Variants in C5orf24 observed in about 807,000 individuals in gnomAD.
The protein encoded by C5orf24 is UPF0461 protein C5orf24.
Under a neutral mutation model 9.8 loss-of-function variants are expected in C5orf24, and 4 were observed. The observed-to-expected ratio is 0.41, with a 90% CI of 0.20 to 0.93. The LOEUF is 0.93. Among genes scored for constraint, C5orf24 ranks in the 40% least tolerant of loss-of-function variants. C5orf24 has a pLI of 0.33. For synonymous variants in C5orf24, 73 were observed against 81.3 expected, an observed-to-expected ratio of 0.90 and a Z score of 0.55; for missense variants, 170 against 236.9, an observed-to-expected ratio of 0.72 and a Z score of 1.85.
the C5orf24 span, among the ~76,000 whole-genome samples, chr5:134,833,879 G>C: frequency 2.0e-5 from 3 of 151,918 alleles, no homozygotes; most frequent in Non-Finnish European, 4.4e-5. Context: ...TATTTGTCTT[G>C]AACTTGTTCT....
chr5:134,835,530 C>G, the C5orf24 span, among the ~76,000 whole-genome samples: 5 of 152,174 alleles, frequency 3.3e-5, no homozygotes, highest in Middle Eastern at 3.4e-3. Context: ...GCCTATAATC[C>G]CAGCTACTTG....
intron 1 of C5orf24, among the ~76,000 whole-genome samples, chr5:134,852,125 A>G (rs1268951727): frequency 6.6e-6 from 1 of 152,204 alleles, no homozygotes; most frequent in Admixed American, 6.5e-5. Context: ...TATTTTTAGT[A>G]GAGACGGTGT....
At chr5:134,848,544 CCAGCTACT>C (rs1459739484) in intron 1 of C5orf24, among the ~76,000 whole-genome samples, 1 of 151,270 alleles carries the variant, frequency 6.6e-6, no homozygotes, top group Non-Finnish European at 1.5e-5. Context: ...GCCTGTAATC[CCAGCTACT>C]CAGGAGGCTG....
chr5:134,848,695 C>T (rs527424435), intron 1 of C5orf24, among the ~76,000 whole-genome samples: 110 of 147,684 alleles, frequency 7.4e-4, no homozygotes, highest in African/African-American at 2.5e-3. Flanking sequence ...GGCGTGGTGC[C>T]TCACGCCTGT....
At position 134,857,164 on chromosome 5, in the gene C5orf24, C is replaced by A; in HGVS notation, c.*1697C>A. On this transcript the variant is annotated 3_prime_UTR_variant, in exon 2 of 2. Transcript: ENST00000394976. Reference sequence around the variant, plus strand: ...ATAAACTTCAGACTTGAAAAAATTCCACTTAACTTTAAAGTTACAATGTTT... The same window carrying A: ...ATAAACTTCAGACTTGAAAAAATTCAACTTAACTTTAAAGTTACAATGTTT... 1.6e-6 allele frequency: 2 copies of A among 1,285,248 alleles called. No homozygotes were observed. The highest frequency in any genetic ancestry group is 1.0e-6 in the Non-Finnish European group (1 of 1,003,834). The allele number at this position is 1,285,248 out of a possible 1,614,324, so 79.6% of individuals were successfully genotyped here. A position where few individuals can be genotyped will look rare whatever the true frequency, so the allele number is the denominator to read the frequency against.
At chr5:134,846,756 G>A (rs1756007294) in intron 1 of C5orf24, 1 of 152,212 alleles carries the variant, frequency 6.6e-6, no homozygotes, top group African/African-American at 2.4e-5. Flanking sequence ...GCAGGAAGAA[G>A]ACAAAGGAGG....
the C5orf24 span, among the ~76,000 whole-genome samples, chr5:134,837,078 AT>A: frequency 6.6e-6 from 1 of 151,884 alleles, no homozygotes; most frequent in East Asian, 1.9e-4. Flanking sequence ...GGTTCAAGTG[AT>A]TTACCTGTCT....
At chr5:134,851,575 G>C (rs1756161418) in intron 1 of C5orf24, among the ~76,000 whole-genome samples, 2 of 152,020 alleles carry the variant, frequency 1.3e-5, no homozygotes, top group African/African-American at 4.8e-5. Flanking sequence ...ACAATGCAGT[G>C]GACAAACCAC....
rs1756265704 is a variant in C5orf24 at position 134,854,891 on chromosome 5, T to G, written c.-3-7T>G. Reference sequence around the variant, plus strand: ...ATTTATATATATTTGTCTTTTATTTTTGGTAGAAAATGATGCATCCTGTTG... The same window carrying G: ...ATTTATATATATTTGTCTTTTATTTGTGGTAGAAAATGATGCATCCTGTTG... On this transcript the variant is annotated splice_polypyrimidine_tract_variant and splice_region_variant and intron_variant, in intron 1 of 1. Coordinates refer to ENST00000394976, the MANE Select transcript of C5orf24 (RefSeq NM_001135586.1). 6.2e-6 allele frequency: 10 copies of G among 1,612,844 alleles called. No homozygotes were observed. The highest frequency in any genetic ancestry group is 8.5e-6 in the Non-Finnish European group (10 of 1,179,862).
At chr5:134,848,394 C>T (rs190998232) in intron 1 of C5orf24, among the ~76,000 whole-genome samples, 108 of 146,704 alleles carry the variant, frequency 7.4e-4, no homozygotes, top group African/African-American at 2.3e-3. Context: ...TGGTGGCTCA[C>T]GCCTGTAATC....
At chr5:134,838,344 G>T in the C5orf24 span, among the ~76,000 whole-genome samples, 1 of 152,162 alleles carries the variant, frequency 6.6e-6, no homozygotes, top group Non-Finnish European at 1.5e-5. Flanking sequence ...AAGAAAAAAT[G>T]TTGGGAGATA....
intron 1 of C5orf24, among the ~76,000 whole-genome samples, chr5:134,848,325 C>T (rs902175434): frequency 6.7e-6 from 1 of 149,728 alleles, no homozygotes. Context: ...CAAAACAAAA[C>T]AAAACAAAAA....
At chr5:134,836,016 G>A in the C5orf24 span, among the ~76,000 whole-genome samples, 5 of 151,382 alleles carry the variant, frequency 3.3e-5, no homozygotes, top group African/African-American at 1.2e-4. Context: ...TTTTTAAGTT[G>A]TAGAATATTT....
chr5:134,843,484 A>T (rs1241974598), upstream of C5orf24, among the ~76,000 whole-genome samples: 4 of 152,050 alleles, frequency 2.6e-5, no homozygotes, highest in Admixed American at 2.6e-4. Context: ...TCCAGGCTGG[A>T]GTGCAGTGGC....
chr5:134,848,357 T>G (rs1007181235), intron 1 of C5orf24, among the ~76,000 whole-genome samples: 1 of 150,588 alleles, frequency 6.6e-6, no homozygotes, highest in Non-Finnish European at 1.5e-5. Context: ...TTGCATACTT[T>G]CAATGAAAGG....
Position 134,859,491 on chromosome 5 carries a change from T to C in C5orf24, c.*4024T>C, listed in dbSNP as rs749942280. The C allele has an allele frequency of 2.4e-5, 4 of 167,000 alleles. No homozygotes were observed. Among genetic ancestry groups the C allele is most frequent in the Non-Finnish European group, 1.5e-5 (1 of 68,114 alleles). The allele number at this position is 167,000 out of a possible 1,614,324, so 10.3% of individuals were successfully genotyped here. ...AAAGTAATCAGATCACTTTGATTCT[T>C]TTAAGTTTTCAGAATTTCTTTTTTC... On this transcript the variant is annotated 3_prime_UTR_variant, in exon 2 of 2. Transcript: ENST00000394976.
upstream of C5orf24, among the ~76,000 whole-genome samples, chr5:134,843,830 T>C (rs767652442): frequency 2.6e-5 from 4 of 152,188 alleles, no homozygotes; most frequent in Non-Finnish European, 4.4e-5. Flanking sequence ...GCTGGGATTA[T>C]AGGCATGAGT....
intron 1 of C5orf24, among the ~76,000 whole-genome samples, chr5:134,848,389 G>A (rs188026600): frequency 2.0e-5 from 3 of 151,120 alleles, no homozygotes; most frequent in Non-Finnish European, 4.4e-5. Context: ...CGGCGTGGTG[G>A]CTCACGCCTG....
chr5:134,841,940 T>A (rs549843068), upstream of C5orf24, among the ~76,000 whole-genome samples: 94 of 152,238 alleles, frequency 6.2e-4, no homozygotes, highest in Admixed American at 9.8e-4. Flanking sequence ...ATGACTAACT[T>A]TGTGCAATGT....
Sources: allele counts gnomAD v4.1 joint callset (sites outside exome capture counted in the v4.1 genomes callset), GRCh38; gene constraint gnomAD v4.1.1; transcripts MANE v1.5; gene names NCBI Gene and HGNC (gene_info 2026-07-23, HGNC 2026-07-21).